ECT2L: variants seen among roughly 807,000 people sequenced by gnomAD.
ECT2L encodes the protein epithelial cell-transforming sequence 2 oncogene-like.
ECT2L carries 126 observed loss-of-function variants against 122.8 expected under a neutral mutation model. The observed-to-expected ratio is 1.03, with a 90% CI of 0.89 to 1.19. ECT2L has a LOEUF of 1.19. Ranked by LOEUF, ECT2L falls within the 50% of genes most tolerant of loss-of-function variation. The pLI, the probability that ECT2L is intolerant of heterozygous loss-of-function variation, is 0.00. For synonymous variants in ECT2L, 385 were observed against 381.8 expected, an observed-to-expected ratio of 1.01 and a Z score of -0.10; for missense variants, 1,012 against 1,064.1, an observed-to-expected ratio of 0.95 and a Z score of 0.68.
intron 21 of ECT2L, among the ~76,000 whole-genome samples, chr6:138,902,083 C>T (rs1642278970): frequency 6.6e-6 from 1 of 152,192 alleles, no homozygotes; most frequent in Non-Finnish European, 1.5e-5. Context: ...TGTTAAGTAA[C>T]CTAATAGACA....
At chr6:138,845,836 C>T (rs138322946) in intron 7 of ECT2L, among the ~76,000 whole-genome samples, 3,839 of 152,070 alleles carry the variant, frequency 0.025, 176 homozygotes, top group African/African-American at 0.088. Context: ...TTTGGGAGGC[C>T]AAGGTGGGAG....
chr6:138,814,679 G>T (rs1328266145), intron 4 of ECT2L, 76 bp downstream of exon 4: 47 of 888,010 alleles, frequency 5.3e-5, no homozygotes, highest in Middle Eastern at 4.8e-4. Context: ...TAACCTTTAA[G>T]AGATTTTTTG....
intron 14 of ECT2L, 78 bp downstream of exon 14, chr6:138,876,636 C>A: frequency 5.0e-6 from 4 of 792,170 alleles, no homozygotes; most frequent in South Asian, 2.2e-5. Context: ...CTGGTTAGTT[C>A]TTCATTTTCC....
At chr6:138,851,476 C>T (rs914746475) in intron 9 of ECT2L, among the ~76,000 whole-genome samples, 16 of 143,884 alleles carry the variant, frequency 1.1e-4, no homozygotes, top group African/African-American at 4.2e-4. Context: ...GGCCACTGTG[C>T]CTAGCCTTTT....
At chr6:138,849,245 T>A in intron 8 of ECT2L, 24 bp from the exon 9 acceptor site, 2 of 1,579,244 alleles carry the variant, frequency 1.3e-6, no homozygotes, top group Non-Finnish European at 1.7e-6. Context: ...TCTTGGCTCT[T>A]ACAGCTTTGG....
chr6:138,897,370 A>G (rs1049772749), intron 20 of ECT2L, among the ~76,000 whole-genome samples: 15 of 152,226 alleles, frequency 9.9e-5, no homozygotes, highest in African/African-American at 9.6e-5. Context: ...CTCATACAGT[A>G]TAAGTATTCA....
intron 13 of ECT2L, among the ~76,000 whole-genome samples, chr6:138,871,034 AGAGT>A (rs2128402491): frequency 6.6e-6 from 1 of 152,274 alleles, no homozygotes; most frequent in South Asian, 2.1e-4. Flanking sequence ...CCTGGGTGAC[AGAGT>A]GAGACTCTGT....
intron 9 of ECT2L, among the ~76,000 whole-genome samples, chr6:138,852,324 G>T (rs1424943036): frequency 6.6e-6 from 1 of 151,440 alleles, no homozygotes; most frequent in East Asian, 1.9e-4. Context: ...AAACCTCAAC[G>T]GTTACTTTTT....
chr6:138,886,031 A>AT (rs1778809169), intron 18 of ECT2L, among the ~76,000 whole-genome samples: 1 of 152,208 alleles, frequency 6.6e-6, no homozygotes, highest in Admixed American at 6.5e-5. Context: ...AACATGAGAC[A>AT]ATGTTTTCAG....
At chr6:138,858,704 T>A (rs1777709574) in intron 10 of ECT2L, among the ~76,000 whole-genome samples, 2 of 128,534 alleles carry the variant, frequency 1.6e-5, no homozygotes, top group African/African-American at 3.4e-5. Flanking sequence ...TTCCTTTTTT[T>A]TTTTTTTTTT....
intron 20 of ECT2L, among the ~76,000 whole-genome samples, chr6:138,900,714 C>T (rs962894258): frequency 2.0e-5 from 3 of 152,168 alleles, no homozygotes; most frequent in Admixed American, 6.5e-5. Flanking sequence ...TGGACAAACG[C>T]AAAGCACTCC....
intron 21 of ECT2L, among the ~76,000 whole-genome samples, chr6:138,902,053 T>G (rs1779413599): frequency 6.6e-6 from 1 of 152,258 alleles, no homozygotes; most frequent in Non-Finnish European, 1.5e-5. Context: ...GACAATCAGC[T>G]GTGACCTATG....
In ECT2L at chr6:138,889,911, GA is replaced by G. The variant is rs540254913; in HGVS notation, c.2414+881del. Reference sequence around the variant, plus strand: ...ATATTTCAGATTTTGCTGGCCAAATGATATCTGTGGCAACTACCCAACTTTG... The same window carrying G: ...ATATTTCAGATTTTGCTGGCCAAATGTATCTGTGGCAACTACCCAACTTTG... On this transcript the variant is annotated intron_variant, in intron 20 of 21. Transcript: ENST00000541398. Among the ~76,000 whole-genome samples, 45 of 152,256 alleles carry G rather than the reference GA, an allele frequency of 3.0e-4. No homozygotes were observed. In the South Asian group the frequency reaches 8.5e-3, roughly 29 times the overall value.
chr6:138,812,984 A>G lies in ECT2L; in HGVS notation c.-104+7A>G, dbSNP rs1775951834. The G allele has an allele frequency of 3.5e-6, 1 of 286,718 alleles. No individual in the cohort carries two copies. The highest frequency in any genetic ancestry group is 6.4e-6 in the Non-Finnish European group (1 of 156,492). 17.8% of individuals were successfully genotyped at this position (286,718 alleles called of 1,614,324 possible). The stretch of plus-strand genomic sequence containing the variant: ...CAGATTTGGGTGAAAGCAGGTAAGA[A>G]TAGAATAATTGCAATGATTTGAAGT... On this transcript the variant is annotated splice_region_variant and intron_variant, in intron 2 of 21. Transcript: ENST00000541398.
At chr6:138,798,992 C>T (rs1161585582) in intron 1 of ECT2L, among the ~76,000 whole-genome samples, 1 of 152,146 alleles carries the variant, frequency 6.6e-6, no homozygotes, top group Non-Finnish European at 1.5e-5. Context: ...GATTTCTGTA[C>T]ATCACTTCAT....
intron 7 of ECT2L, 28 bp from the exon 8 acceptor site, chr6:138,846,511 A>G: frequency 6.5e-7 from 1 of 1,547,924 alleles, no homozygotes; most frequent in Non-Finnish European, 8.7e-7. Context: ...GAAAATGAAA[A>G]CTTCTCATAT....
intron 9 of ECT2L, among the ~76,000 whole-genome samples, chr6:138,851,456 T>C (rs1469559571): frequency 6.6e-6 from 1 of 151,036 alleles, no homozygotes; most frequent in African/African-American, 2.4e-5. Flanking sequence ...GTGCTAGAAT[T>C]ACAGGTGTGG....
intron 15 of ECT2L, among the ~76,000 whole-genome samples, 193 bp from the exon 16 acceptor site, chr6:138,882,531 C>T (rs1425007335): frequency 6.6e-6 from 1 of 152,196 alleles, no homozygotes; most frequent in Non-Finnish European, 1.5e-5. Flanking sequence ...TCCACCCCGG[C>T]CAACCTACTC....
At chr6:138,821,379 C>T (rs1487264719) in intron 4 of ECT2L, among the ~76,000 whole-genome samples, 1 of 152,194 alleles carries the variant, frequency 6.6e-6, no homozygotes, top group African/African-American at 2.4e-5. Flanking sequence ...CTTCTTTCTT[C>T]CTGCGCCTCT....
Sources: allele counts gnomAD v4.1 joint callset (sites outside exome capture counted in the v4.1 genomes callset), GRCh38; gene constraint gnomAD v4.1.1; transcripts MANE v1.5; gene names NCBI Gene and HGNC (gene_info 2026-07-23, HGNC 2026-07-21).